The following VRK2 variants were observed in gnomAD, a reference collection of about 807,000 sequenced individuals.
VRK2 encodes the protein serine/threonine-protein kinase VRK2.
In VRK2, 60 loss-of-function variants were observed where a neutral mutation model predicts 57.6. The ratio of observed to expected loss-of-function variants is 1.04; its 90% CI spans 0.85 to 1.29. VRK2 has a LOEUF of 1.29. Among genes scored for constraint, VRK2 ranks in the 50% most tolerant of loss-of-function variants. VRK2 has a pLI of 0.00. For synonymous variants in VRK2, 231 were observed against 199.2 expected (o/e 1.16, Z -1.35); for missense variants, 705 against 588.1 (o/e 1.20, Z -2.06).
chr2:58,118,464 AT>A, intron 7 of VRK2, among the ~76,000 whole-genome samples: 1 of 152,216 alleles, frequency 6.6e-6, no homozygotes. Context: ...GAAGGGAGAG[AT>A]TGAAGTGTGG....
chr2:58,135,350 A>G (rs1679862082), intron 10 of VRK2, 151 bp downstream of exon 10: 2 of 741,168 alleles, frequency 2.7e-6, no homozygotes, highest in South Asian at 1.8e-5. Context: ...AAGTTGCTAA[A>G]GAACACAATG....
intron 1 of VRK2, among the ~76,000 whole-genome samples, chr2:57,929,918 C>G (rs1034465178): frequency 1.3e-5 from 2 of 152,092 alleles, no homozygotes; most frequent in Non-Finnish European, 2.9e-5. Flanking sequence ...CCTACTGCAG[C>G]TGAGCTAGTA....
intron 1 of VRK2, among the ~76,000 whole-genome samples, chr2:57,983,261 C>A (rs577003920): frequency 4.6e-5 from 7 of 152,252 alleles, no homozygotes; most frequent in Admixed American, 2.6e-4. Context: ...TTAAAGCCAA[C>A]AATACTGCAT....
At chr2:57,931,454 T>A (rs1056068022) in intron 1 of VRK2, among the ~76,000 whole-genome samples, 1 of 152,196 alleles carries the variant, frequency 6.6e-6, no homozygotes, top group African/African-American at 2.4e-5. Context: ...TTTGCCCAAT[T>A]TTTAATGTTT....
intron 1 of VRK2, among the ~76,000 whole-genome samples, chr2:58,003,413 TTA>T (rs1214528832): frequency 3.9e-5 from 6 of 152,172 alleles, no homozygotes; most frequent in African/African-American, 1.2e-4. Flanking sequence ...GAAAATTATT[TTA>T]TGTTTTTTAA....
chr2:57,917,432 T>C (rs1396758987), intron 1 of VRK2, among the ~76,000 whole-genome samples: 1 of 151,586 alleles, frequency 6.6e-6, no homozygotes, highest in East Asian at 1.9e-4. Context: ...CTCTGAGTCC[T>C]AATATATTCA....
At chr2:58,133,804 A>G (rs1402506099) in intron 9 of VRK2, among the ~76,000 whole-genome samples, 1 of 152,220 alleles carries the variant, frequency 6.6e-6, no homozygotes, top group South Asian at 2.1e-4. Context: ...GGGACAGCAT[A>G]AAATATTGCC....
intron 1 of VRK2, chr2:58,047,294 G>A: frequency 8.7e-6 from 4 of 458,310 alleles, no homozygotes; most frequent in Non-Finnish European, 1.1e-5. Context: ...GGCGGGGTTG[G>A]AGGTCAGCCC....
chr2:58,062,264 C>T (rs536284248), intron 2 of VRK2, among the ~76,000 whole-genome samples: 2 of 152,134 alleles, frequency 1.3e-5, no homozygotes, highest in Admixed American at 1.3e-4. Flanking sequence ...AGCACATGGC[C>T]TGACTGCACC....
At chr2:58,093,782 G>A (rs1026613810) in intron 7 of VRK2, among the ~76,000 whole-genome samples, 5 of 152,136 alleles carry the variant, frequency 3.3e-5, no homozygotes, top group African/African-American at 9.7e-5. Flanking sequence ...TTCTTCTAGG[G>A]TTTTTATGGT....
intron 6 of VRK2, 36 bp downstream of exon 6, chr2:58,088,482 A>G: frequency 7.0e-7 from 1 of 1,428,234 alleles, no homozygotes; most frequent in Non-Finnish European, 9.9e-7. Flanking sequence ...CCATTTCCAA[A>G]TTGTTTACTT....
At chr2:57,993,316 C>T (rs1286952695) in intron 1 of VRK2, among the ~76,000 whole-genome samples, 2 of 152,086 alleles carry the variant, frequency 1.3e-5, no homozygotes, top group African/African-American at 2.4e-5. Context: ...AAAAGGAAGA[C>T]TCTAACTCCT....
chr2:57,930,805 A>G (rs769642999), intron 1 of VRK2, among the ~76,000 whole-genome samples: 2 of 152,062 alleles, frequency 1.3e-5, no homozygotes, highest in Non-Finnish European at 2.9e-5. Flanking sequence ...TATGAGTTCA[A>G]TTTTTTAAAA....
rs183092599 is a variant in VRK2 at position 58,120,521 on chromosome 2, C to T, written c.544-2580C>T. On this transcript the variant is annotated intron_variant, in intron 7 of 12. Transcript: ENST00000340157. ...TTCATCTTTATATTAAATGTAAACC[C>T]TATACTGCCCTTCAAGGTTTGAGCA... 1.3e-3 allele frequency among the ~76,000 whole-genome samples: 194 copies of T among 152,030 alleles called. 1 individual carries two copies. The highest frequency in any genetic ancestry group is 2.4e-3 in the Non-Finnish European group (163 of 67,920).
At chr2:58,040,121 C>A (rs971516927) in intron 3 of VRK2, among the ~76,000 whole-genome samples, 2 of 151,862 alleles carry the variant, frequency 1.3e-5, no homozygotes, top group Non-Finnish European at 2.9e-5. Flanking sequence ...GAGACAGGGT[C>A]TCGCTATGTT....
intron 1 of VRK2, among the ~76,000 whole-genome samples, chr2:58,010,132 A>G (rs912366119): frequency 6.6e-6 from 1 of 152,142 alleles, no homozygotes; most frequent in African/African-American, 2.4e-5. Flanking sequence ...GCAACTTGGT[A>G]TATTAAATTG....
chr2:57,952,406 A>G (rs1291210316), intron 1 of VRK2, among the ~76,000 whole-genome samples: 11 of 152,338 alleles, frequency 7.2e-5, no homozygotes, highest in African/African-American at 2.6e-4. Flanking sequence ...AAGAGAAGAA[A>G]GAAAGGAGAT....
intron 2 of VRK2, among the ~76,000 whole-genome samples, chr2:58,070,003 C>G (rs1309494234): frequency 1.3e-5 from 2 of 152,068 alleles, no homozygotes; most frequent in Admixed American, 6.6e-5. Context: ...ACTCTTAGAG[C>G]AATTTCAGGT....
chr2:57,908,909 A>G (rs1669906211), intron 1 of VRK2, among the ~76,000 whole-genome samples: 1 of 152,194 alleles, frequency 6.6e-6, no homozygotes, highest in Non-Finnish European at 1.5e-5. Flanking sequence ...CCTATATTAG[A>G]AAGAAAACAA....
Sources: gnomAD v4.1 joint callset for allele counts (sites outside exome capture counted in the v4.1 genomes callset) on GRCh38, gnomAD v4.1.1 for gene constraint, MANE v1.5 for transcripts, NCBI Gene and HGNC (gene_info 2026-07-23, HGNC 2026-07-21) for gene names.